FAM222A: variants seen among roughly 807,000 people sequenced by gnomAD.
FAM222A encodes family with sequence similarity 222 member A.
Under a neutral mutation model 25.8 loss-of-function variants are expected in FAM222A, and 7 were observed. The observed-to-expected ratio is 0.27, with a 90% CI of 0.15 to 0.51. FAM222A has a LOEUF of 0.51. Among genes scored for constraint, FAM222A ranks in the 20% least tolerant of loss-of-function variants. FAM222A has a pLI of 0.97. For missense variants in FAM222A, 573 were observed against 640.5 expected (o/e 0.89, Z 1.14); for synonymous variants, 294 against 298.8 (o/e 0.98, Z 0.17).
intron 1 of FAM222A, among the ~76,000 whole-genome samples, chr12:109,728,548 G>A (rs949660946): frequency 6.6e-6 from 1 of 152,188 alleles, no homozygotes; most frequent in Non-Finnish European, 1.5e-5. Context: ...CACCTGGGAT[G>A]GGCTTGCACC....
chr12:109,732,261 T>C (rs1233181055), intron 1 of FAM222A, among the ~76,000 whole-genome samples: 1 of 152,230 alleles, frequency 6.6e-6, no homozygotes, highest in Non-Finnish European at 1.5e-5. Flanking sequence ...ACAAAAGTCA[T>C]GTTCATCTTT....
In FAM222A at chr12:109,768,399, T is replaced by C. The variant is rs1889124920; in HGVS notation, c.470T>C (p.Leu157Ser). The change falls in exon 3 of 3, where the codon TTG (leucine) becomes TCG (serine). Residue 157 changes from leucine (L) to serine (S), a missense_variant. This residue lies in a region of FAM222A where 412 missense variants were observed against 407.0 expected (regional missense o/e 1.01). Transcript: ENST00000538780. ...PYPVPSTLGP[L>S]AYPKPPEAPA... ...CCAGTGCCCAGCACTCTGGGTCCCTTGGCCTACCCCAAGCCACCTGAGGCG... is the reference window on the plus strand; with the variant it reads ...CCAGTGCCCAGCACTCTGGGTCCCTCGGCCTACCCCAAGCCACCTGAGGCG... The C allele has an allele frequency of 1.3e-6, 2 of 1,598,316 alleles. No homozygotes were observed. Among genetic ancestry groups the C allele is most frequent in the Non-Finnish European group, 1.7e-6 (2 of 1,178,014 alleles).
At chr12:109,752,303 C>T (rs1888584011) in intron 2 of FAM222A, among the ~76,000 whole-genome samples, 1 of 152,260 alleles carries the variant, frequency 6.6e-6, no homozygotes, top group Non-Finnish European at 1.5e-5. Context: ...AAGACAGTGA[C>T]TCTGCCTGTA....
At chr12:109,726,922 A>G (rs1887853996) in intron 1 of FAM222A, among the ~76,000 whole-genome samples, 1 of 152,180 alleles carries the variant, frequency 6.6e-6, no homozygotes, top group Non-Finnish European at 1.5e-5. Flanking sequence ...GACCTCTGAC[A>G]GTCCAAAAAG....
At chr12:109,736,385 A>T (rs1888086660) in intron 1 of FAM222A, among the ~76,000 whole-genome samples, 1 of 152,166 alleles carries the variant, frequency 6.6e-6, no homozygotes, top group Non-Finnish European at 1.5e-5. Context: ...TAAGGAATTA[A>T]CCCCTTTTGC....
At chr12:109,765,406 G>A (rs185636892) in intron 2 of FAM222A, among the ~76,000 whole-genome samples, 4 of 152,192 alleles carry the variant, frequency 2.6e-5, no homozygotes, top group Middle Eastern at 3.4e-3. Flanking sequence ...CCTCCCGGCC[G>A]GCCACCTCTC....
intron 1 of FAM222A, among the ~76,000 whole-genome samples, chr12:109,720,721 C>T (rs550458894): frequency 6.6e-6 from 1 of 152,386 alleles, no homozygotes; most frequent in South Asian, 2.1e-4. Flanking sequence ...TGAAGATGAA[C>T]AAGCCCCAGT....
chr12:109,769,632 C>T lies in FAM222A; in HGVS notation c.*344C>T. 3.2e-6 allele frequency: 1 copy of T among 316,278 alleles called. No individual in the cohort carries two copies. The highest frequency in any genetic ancestry group is 5.9e-6 in the Non-Finnish European group (1 of 169,994). 19.6% of individuals were successfully genotyped at this position (316,278 alleles called of 1,614,324 possible). On this transcript the variant is annotated 3_prime_UTR_variant, in exon 3 of 3. Transcript: ENST00000538780. ...TTTCTGGGCCTCCTGGGACAGGGGC[C>T]CAGGCCAAGGTGGGGTGCAGGAGGA... is the stretch of plus-strand genomic sequence containing the variant.
At chr12:109,735,231 C>T (rs1024339609) in intron 1 of FAM222A, among the ~76,000 whole-genome samples, 1 of 152,222 alleles carries the variant, frequency 6.6e-6, no homozygotes, top group Admixed American at 6.5e-5. Context: ...TCCCTTGGGG[C>T]CTGAATCCTC....
intron 2 of FAM222A, among the ~76,000 whole-genome samples, chr12:109,754,830 G>T (rs993690301): frequency 2.0e-5 from 3 of 152,066 alleles, no homozygotes; most frequent in African/African-American, 7.2e-5. Flanking sequence ...ACCATGCTCA[G>T]ATAATTTTTT....
rs539868481 is a variant in FAM222A at position 109,738,144 on chromosome 12, G to T, written c.-46-5957G>T. On this transcript the variant is annotated intron_variant, in intron 1 of 2. Transcript: ENST00000538780. ...TCCTGTCGTGGGAGCCCCTAAGGGG[G>T]TTGGGGGAAGCTTGCACCTAGATTC... 2.0e-5 allele frequency among the ~76,000 whole-genome samples: 3 copies of T among 152,292 alleles called. No homozygotes were observed. In the East Asian group the frequency reaches 5.8e-4, roughly 29 times the overall value.
intron 1 of FAM222A, among the ~76,000 whole-genome samples, chr12:109,729,785 C>T (rs73407758): frequency 0.1 from 15,670 of 152,268 alleles, 1,722 homozygotes; most frequent in East Asian, 0.43. Flanking sequence ...CCTGACTGGG[C>T]ACTGACTCCC....
chr12:109,730,252 A>G (rs1400821300), intron 1 of FAM222A, among the ~76,000 whole-genome samples: 3 of 151,974 alleles, frequency 2.0e-5, no homozygotes, highest in Non-Finnish European at 1.5e-5. Flanking sequence ...TCCCTGCTCC[A>G]CCAGTTTCTT....
At chr12:109,760,181 A>C (rs915000308) in intron 2 of FAM222A, among the ~76,000 whole-genome samples, 10 of 152,142 alleles carry the variant, frequency 6.6e-5, no homozygotes, top group African/African-American at 1.9e-4. Flanking sequence ...CAGCACCCCC[A>C]CACACACATT....
intron 2 of FAM222A, among the ~76,000 whole-genome samples, chr12:109,760,375 A>G (rs1360408813): frequency 6.6e-6 from 1 of 152,150 alleles, no homozygotes; most frequent in Non-Finnish European, 1.5e-5. Context: ...AGGGCACATC[A>G]GTGTGAGAGA....
At chr12:109,758,699 T>C (rs1243552854) in intron 2 of FAM222A, among the ~76,000 whole-genome samples, 1 of 152,110 alleles carries the variant, frequency 6.6e-6, no homozygotes, top group African/African-American at 2.4e-5. Context: ...ACCAGCTAAT[T>C]AGTGTCACGT....
chr12:109,755,672 G>A (rs1237658314), intron 2 of FAM222A, among the ~76,000 whole-genome samples: 1 of 152,152 alleles, frequency 6.6e-6, no homozygotes, highest in Non-Finnish European at 1.5e-5. Flanking sequence ...ATGAGGAAAG[G>A]ATCCGACTTC....
intron 2 of FAM222A, among the ~76,000 whole-genome samples, chr12:109,745,151 G>T (rs1013509675): frequency 6.6e-6 from 1 of 152,216 alleles, no homozygotes; most frequent in African/African-American, 2.4e-5. Flanking sequence ...TCGCAGAGGG[G>T]GTCCATGTCG....
intron 2 of FAM222A, among the ~76,000 whole-genome samples, chr12:109,759,621 C>CAGCCAGCCT (rs1888833126): frequency 6.6e-6 from 1 of 152,218 alleles, no homozygotes; most frequent in Admixed American, 6.5e-5. Flanking sequence ...ACTTCCAGCC[C>CAGCCAGCCT]AGCCAGCCTT....
Sources: allele counts gnomAD v4.1 joint callset (sites outside exome capture counted in the v4.1 genomes callset), GRCh38; gene constraint gnomAD v4.1.1; regional missense constraint gnomAD v4.1.1; transcripts MANE v1.5; gene names NCBI Gene and HGNC (gene_info 2026-07-23, HGNC 2026-07-21).